RAB11FIP4: variants seen among roughly 807,000 people sequenced by gnomAD.
RAB11FIP4 encodes the protein rab11 family-interacting protein 4.
Under a neutral mutation model 74.3 loss-of-function variants are expected in RAB11FIP4, and 23 were observed. That is an observed-to-expected ratio of 0.31 (90% CI 0.22 to 0.44). The LOEUF is 0.44. RAB11FIP4 is among the 20% of genes least tolerant of loss of function. The pLI is 1.00. For synonymous variants in RAB11FIP4, 360 were observed against 359.9 expected (o/e 1.00, Z 0.00); for missense variants, 630 against 863.9 (o/e 0.73, Z 3.39).
intron 3 of RAB11FIP4, among the ~76,000 whole-genome samples, chr17:31,463,397 G>A (rs1409905830): frequency 6.6e-6 from 1 of 152,304 alleles, no homozygotes; most frequent in Non-Finnish European, 1.5e-5. Context: ...CTGGCGTGTG[G>A]TGGGCACTAG....
At chr17:31,469,665 A>T (rs1456107493) in intron 3 of RAB11FIP4, among the ~76,000 whole-genome samples, 1 of 149,686 alleles carries the variant, frequency 6.7e-6, no homozygotes, top group Non-Finnish European at 1.5e-5. Flanking sequence ...GACTATATCT[A>T]GGAGAAAGAA....
Position 31,521,369 on chromosome 17 carries a change from T to TTG in RAB11FIP4, c.758+10_758+11dup. ...TCTTCGGTGTCTTCCAGGTGGCCCC[T>TTG]TGGTCTGGGATGTCATTTGGGGTCA... On this transcript the variant is annotated intron_variant, in intron 5 of 14. Coordinates refer to ENST00000621161, the MANE Select transcript of RAB11FIP4 (RefSeq NM_032932.6). 1 of 1,587,128 alleles carries TTG rather than the reference T, an allele frequency of 6.3e-7. No individual in the cohort carries two copies. Among genetic ancestry groups the TTG allele is most frequent in the Non-Finnish European group, 8.6e-7 (1 of 1,164,002 alleles).
chr17:31,481,485 G>T (rs1443724289), intron 3 of RAB11FIP4, among the ~76,000 whole-genome samples: 1 of 152,142 alleles, frequency 6.6e-6, no homozygotes, highest in Non-Finnish European at 1.5e-5. Context: ...CACGCAGGGT[G>T]GGACCTCTGT....
intron 3 of RAB11FIP4, among the ~76,000 whole-genome samples, chr17:31,452,361 G>A (rs779574890): frequency 5.9e-5 from 9 of 152,140 alleles, no homozygotes; most frequent in Non-Finnish European, 1.2e-4. Flanking sequence ...AGTCTCCGAG[G>A]ACCAGCTCAA....
intron 3 of RAB11FIP4, among the ~76,000 whole-genome samples, chr17:31,446,285 T>A (rs1052701716): frequency 2.0e-5 from 3 of 152,102 alleles, no homozygotes; most frequent in African/African-American, 7.2e-5. Flanking sequence ...GGGCCTCAGT[T>A]TTCCCAGCTG....
intron 7 of RAB11FIP4, chr17:31,522,813 T>G (rs1310227142): frequency 5.1e-6 from 1 of 196,300 alleles, no homozygotes; most frequent in African/African-American, 2.3e-5. Flanking sequence ...TCCGATTAAG[T>G]CCTGCGGCAG....
chr17:31,494,536 G>A (rs1409264153), intron 3 of RAB11FIP4, among the ~76,000 whole-genome samples: 3 of 152,080 alleles, frequency 2.0e-5, no homozygotes, highest in South Asian at 2.1e-4. Context: ...ACAGGAAGGT[G>A]GCAGCGGAAA....
intron 3 of RAB11FIP4, among the ~76,000 whole-genome samples, chr17:31,479,998 T>TC (rs1316929825): frequency 6.6e-6 from 1 of 152,208 alleles, no homozygotes; most frequent in Non-Finnish European, 1.5e-5. Flanking sequence ...TTTGACTTTT[T>TC]CTCTTCTAAC....
intron 3 of RAB11FIP4, among the ~76,000 whole-genome samples, chr17:31,510,518 G>A (rs993133015): frequency 7.2e-5 from 11 of 152,252 alleles, no homozygotes; most frequent in African/African-American, 2.4e-4. Flanking sequence ...GGGGAATGAG[G>A]CCGTTGCCAG....
chr17:31,428,409 G>A (rs1193167294), intron 1 of RAB11FIP4, among the ~76,000 whole-genome samples: 3 of 152,192 alleles, frequency 2.0e-5, no homozygotes, highest in Admixed American at 2.0e-4. Flanking sequence ...CAGTGACTGT[G>A]AGCAGTTTCC....
At chr17:31,492,864 T>G (rs1213799848) in intron 3 of RAB11FIP4, among the ~76,000 whole-genome samples, 1 of 79,526 alleles carries the variant, frequency 1.3e-5, no homozygotes, top group African/African-American at 6.3e-5. Flanking sequence ...AGAGCATTGA[T>G]GACAAGAGCT....
rs1273568893 is a variant in RAB11FIP4 at position 31,535,300 on chromosome 17, G to A, written c.*3568G>A. On this transcript the variant is annotated 3_prime_UTR_variant, in exon 15 of 15. Coordinates refer to ENST00000621161, the MANE Select transcript of RAB11FIP4 (RefSeq NM_032932.6). ...AAAAAAAGCTCAAGAACCTGCACGAGGGCCTAAAACAGTGGGCTCAGCTTT... is the reference window on the plus strand; with the variant it reads ...AAAAAAAGCTCAAGAACCTGCACGAAGGCCTAAAACAGTGGGCTCAGCTTT... 2.6e-5 allele frequency: 4 copies of A among 151,970 alleles called. No homozygotes were observed. Among genetic ancestry groups the A allele is most frequent in the Non-Finnish European group, 5.9e-5 (4 of 68,036 alleles). The allele number at this position is 151,970 out of a possible 1,614,324, so 9.4% of individuals were successfully genotyped here.
At chr17:31,398,599 G>C (rs1446709952) in intron 1 of RAB11FIP4, among the ~76,000 whole-genome samples, 9 of 152,190 alleles carry the variant, frequency 5.9e-5, no homozygotes, top group Admixed American at 5.9e-4. Context: ...AGAGAACCTT[G>C]AACCATCCAC....
chr17:31,425,979 A>G (rs1481128210), intron 1 of RAB11FIP4, among the ~76,000 whole-genome samples: 1 of 152,188 alleles, frequency 6.6e-6, no homozygotes, highest in Non-Finnish European at 1.5e-5. Flanking sequence ...CGCTTCACCA[A>G]CTGTGAAATG....
At chr17:31,526,066 A>T (rs888962807) in intron 10 of RAB11FIP4, 1 of 152,184 alleles carries the variant, frequency 6.6e-6, no homozygotes, top group Non-Finnish European at 1.5e-5. Flanking sequence ...CAGTTTGGTG[A>T]GGAGACTTCC....
intron 1 of RAB11FIP4, 65 bp from the exon 2 acceptor site, chr17:31,431,748 C>T: frequency 9.3e-7 from 1 of 1,079,832 alleles, no homozygotes; most frequent in South Asian, 1.3e-5. Flanking sequence ...GCCTCCCCAC[C>T]CAGCTCCCTG....
intron 3 of RAB11FIP4, among the ~76,000 whole-genome samples, chr17:31,475,353 CTG>C (rs1401057044): frequency 4.6e-5 from 7 of 152,194 alleles, no homozygotes; most frequent in African/African-American, 1.7e-4. Flanking sequence ...AAACCTGACT[CTG>C]GGCTTCATTC....
chr17:31,505,893 G>A (rs1046932180), intron 3 of RAB11FIP4, among the ~76,000 whole-genome samples: 1 of 87,784 alleles, frequency 1.1e-5, no homozygotes, highest in African/African-American at 4.7e-5. Context: ...TTTTTTTTTT[G>A]TAGAGATGGA....
chr17:31,422,196 A>G (rs2071206773), intron 1 of RAB11FIP4, among the ~76,000 whole-genome samples: 1 of 152,168 alleles, frequency 6.6e-6, no homozygotes, highest in Non-Finnish European at 1.5e-5. Flanking sequence ...CAAAAAAAGT[A>G]TTATAGTTTG....
Sources: allele counts gnomAD v4.1 joint callset (sites outside exome capture counted in the v4.1 genomes callset), GRCh38; gene constraint gnomAD v4.1.1; transcripts MANE v1.5; gene names NCBI Gene and HGNC (gene_info 2026-07-23, HGNC 2026-07-21).